Variants in RALGPS2 observed in about 807,000 individuals in gnomAD.
RALGPS2 encodes the protein ras-specific guanine nucleotide-releasing factor RalGPS2.
RALGPS2 carries 43 observed loss-of-function variants against 86.8 expected under a neutral mutation model. The observed-to-expected ratio is 0.50, with a 90% confidence interval of 0.39 to 0.64. The LOEUF is 0.64. Among genes scored for constraint, RALGPS2 ranks in the 30% least tolerant of loss-of-function variants. The pLI, the probability that RALGPS2 is intolerant of heterozygous loss-of-function variation, is 0.00. For synonymous variants in RALGPS2, 243 were observed against 231.3 expected, an observed-to-expected ratio of 1.05 and a Z score of -0.46; for missense variants, 536 against 694.6, an observed-to-expected ratio of 0.77 and a Z score of 2.57.
At chr1:178,737,754 T>C (rs1572270017) in intron 1 of RALGPS2, among the ~76,000 whole-genome samples, 1 of 152,304 alleles carries the variant, frequency 6.6e-6, no homozygotes, top group East Asian at 1.9e-4. Context: ...GGTTAAACAA[T>C]TGTCAAAAAG....
chr1:178,890,916 A>G (rs1306856193), intron 14 of RALGPS2, among the ~76,000 whole-genome samples: 1 of 152,052 alleles, frequency 6.6e-6, no homozygotes, highest in East Asian at 1.9e-4. Context: ...TGCCTTTGAC[A>G]TGTTGTCTGA....
chr1:178,725,898 G>T (rs1212897210), intron 1 of RALGPS2: 2 of 152,294 alleles, frequency 1.3e-5, no homozygotes, highest in Non-Finnish European at 2.9e-5. Context: ...GCGCCCAGAA[G>T]CCTGGCCGCA....
intron 8 of RALGPS2, among the ~76,000 whole-genome samples, chr1:178,840,970 T>C (rs1178372005): frequency 6.6e-6 from 1 of 152,184 alleles, no homozygotes; most frequent in Non-Finnish European, 1.5e-5. Flanking sequence ...AATCCCTGAA[T>C]AGACCAATAA....
chr1:178,885,815 A>T (rs1659456392), intron 12 of RALGPS2, among the ~76,000 whole-genome samples, 154 bp from the exon 13 acceptor site: 1 of 152,194 alleles, frequency 6.6e-6, no homozygotes, highest in African/African-American at 2.4e-5. Flanking sequence ...AGGTTTCCTA[A>T]AACATTTTCC....
intron 1 of RALGPS2, among the ~76,000 whole-genome samples, chr1:178,762,608 A>G (rs1652300694): frequency 6.6e-6 from 1 of 152,180 alleles, no homozygotes; most frequent in African/African-American, 2.4e-5. Flanking sequence ...AATGATAGTA[A>G]TGTTGAGCAT....
intron 18 of RALGPS2, among the ~76,000 whole-genome samples, chr1:178,905,958 A>G (rs1339288287): frequency 1.3e-5 from 2 of 152,242 alleles, no homozygotes; most frequent in African/African-American, 4.8e-5. Flanking sequence ...TCTTGTAACT[A>G]AAGACTAAAA....
Position 178,902,120 on chromosome 1 carries a change from C to G in RALGPS2, c.1539C>G (p.Ser513=). The change falls in exon 18 of 20, where the codon TCC becomes TCG. Residue 513 remains serine, a synonymous_variant. Transcript: ENST00000367635. The part of the protein sequence containing the change: ...ATERKHFKST[S]NKNVSVIGWM... ...TTTTCTCTCAGTTCAAATCAACATC[C>G]AATAAGAACGTATCTGTGATAGGAT... The G allele has an allele frequency of 2.5e-6, 4 of 1,611,672 alleles. No homozygotes were observed. The highest frequency in any genetic ancestry group is 3.4e-6 in the Non-Finnish European group (4 of 1,178,292).
rs535238856 is a variant in RALGPS2 at position 178,840,847 on chromosome 1, T to C, written c.607+7297T>C. Among the ~76,000 whole-genome samples the C allele has an allele frequency of 2.8e-3, 423 of 152,154 alleles. 2 individuals are homozygous for C. Among genetic ancestry groups the C allele is most frequent in the African/African-American group, 9.5e-3 (396 of 41,506 alleles). Reference sequence around the variant, plus strand: ...CTACCGATCCCACAGAAATACAAACTACCATCAGAGAATACTGTAAACACC... The same window carrying C: ...CTACCGATCCCACAGAAATACAAACCACCATCAGAGAATACTGTAAACACC... On this transcript the variant is annotated intron_variant, in intron 8 of 19. Coordinates refer to ENST00000367635, the MANE Select transcript of RALGPS2 (RefSeq NM_152663.5).
At chr1:178,739,887 C>T (rs1572272247) in intron 1 of RALGPS2, among the ~76,000 whole-genome samples, 1 of 152,314 alleles carries the variant, frequency 6.6e-6, no homozygotes, top group East Asian at 1.9e-4. Context: ...ATGAAGTCAA[C>T]AAACCTAGCC....
chr1:178,762,659 A>G (rs753602423), intron 1 of RALGPS2, among the ~76,000 whole-genome samples: 8 of 152,210 alleles, frequency 5.3e-5, no homozygotes, highest in Non-Finnish European at 1.0e-4. Flanking sequence ...TCTTTTGAGA[A>G]GTATCTGTTC....
Position 178,813,193 on chromosome 1 carries a change from A to G in RALGPS2, c.387+1789A>G, listed in dbSNP as rs575944384. Among the ~76,000 whole-genome samples the G allele has an allele frequency of 3.5e-4, 53 of 152,258 alleles. 1 individual carries two copies. The Middle Eastern group carries it at 0.01, about 29-fold the overall frequency. On this transcript the variant is annotated intron_variant, in intron 6 of 19. Transcript: ENST00000367635. ...AAGTGATCTCCCACCTCGGCCTCCC[A>G]AAGTGCTGGGATTATAGGCGTGAGC...
At chr1:178,825,864 T>A (rs759062661) in intron 7 of RALGPS2, among the ~76,000 whole-genome samples, 23 of 152,222 alleles carry the variant, frequency 1.5e-4, no homozygotes, top group Admixed American at 3.9e-4. Context: ...GGACAGCACT[T>A]ATCCTAGTGC....
chr1:178,803,168 G>T (rs904472555), intron 4 of RALGPS2, among the ~76,000 whole-genome samples: 3 of 152,130 alleles, frequency 2.0e-5, no homozygotes, highest in African/African-American at 7.2e-5. Flanking sequence ...TTGACCTCGT[G>T]ATTTCTTGTA....
intron 8 of RALGPS2, among the ~76,000 whole-genome samples, chr1:178,876,185 G>A (rs1027680700): frequency 6.6e-6 from 1 of 152,112 alleles, no homozygotes; most frequent in African/African-American, 2.4e-5. Context: ...TGCCTTAAAT[G>A]AGTTTGCAGT....
intron 4 of RALGPS2, among the ~76,000 whole-genome samples, chr1:178,791,739 A>T (rs1214725328): frequency 6.6e-6 from 1 of 152,192 alleles, no homozygotes; most frequent in Non-Finnish European, 1.5e-5. Context: ...TATGTCAAAC[A>T]GAATTTAGCT....
At chr1:178,865,138 G>C (rs750332198) in intron 8 of RALGPS2, 2 of 1,596,316 alleles carry the variant, frequency 1.3e-6, no homozygotes, top group Admixed American at 3.4e-5. Context: ...GGACAAGTGG[G>C]GGAGACACAT....
chr1:178,795,270 CAG>C lies in RALGPS2; in HGVS notation c.213+9665_213+9666del, dbSNP rs538122860. On this transcript the variant is annotated intron_variant, in intron 4 of 19. Transcript: ENST00000367635. ...CAGACATTTAGATTATATCAACAAA[CAG>C]ATATTAAATTCAAAAAATAATAAGC... Among the ~76,000 whole-genome samples the C allele has an allele frequency of 3.3e-3, 504 of 151,874 alleles. 4 individuals carry two copies. The highest frequency in any genetic ancestry group is 5.5e-3 in the Non-Finnish European group (374 of 67,968).
In RALGPS2 at chr1:178,756,394, G is replaced by A. The variant is rs1462114745; in HGVS notation, c.-83-20288G>A. On this transcript the variant is annotated intron_variant, in intron 1 of 19. Coordinates refer to ENST00000367635, the MANE Select transcript of RALGPS2 (RefSeq NM_152663.5). ...TGCATATGGCTAGCCAGCTATCCCAGCACTATTTATTTAATAGGAAGACTT... is the reference window on the plus strand; with the variant it reads ...TGCATATGGCTAGCCAGCTATCCCAACACTATTTATTTAATAGGAAGACTT... 3.3e-5 allele frequency among the ~76,000 whole-genome samples: 5 copies of A among 152,116 alleles called. No homozygotes were observed. The South Asian group carries it at 8.3e-4, about 25-fold the overall frequency.
chr1:178,834,691 T>C (rs867191745), intron 8 of RALGPS2, among the ~76,000 whole-genome samples: 4 of 152,244 alleles, frequency 2.6e-5, no homozygotes, highest in Non-Finnish European at 5.9e-5. Flanking sequence ...ATGACTCTTA[T>C]CAGAGAGGCT....
Sources: gnomAD v4.1 joint callset for allele counts (sites outside exome capture counted in the v4.1 genomes callset) on GRCh38, gnomAD v4.1.1 for gene constraint, MANE v1.5 for transcripts, NCBI Gene and HGNC (gene_info 2026-07-23, HGNC 2026-07-21) for gene names.